POU4F2: variants seen among roughly 807,000 people sequenced by gnomAD.
POU4F2 encodes POU domain, class 4, transcription factor 2.
Under a neutral mutation model 21.5 loss-of-function variants are expected in POU4F2, and 10 were observed. The ratio of observed to expected loss-of-function variants is 0.46; its 90% CI spans 0.29 to 0.79. The LOEUF (loss-of-function observed/expected upper bound fraction) is 0.79, where lower values mean the gene tolerates loss of function less well. Among genes scored for constraint, POU4F2 ranks in the 30% least tolerant of loss-of-function variants. POU4F2 has a pLI of 0.10. For synonymous variants in POU4F2, 324 were observed against 271.1 expected, an observed-to-expected ratio of 1.20 and a Z score of -1.92; for missense variants, 623 against 603.3, an observed-to-expected ratio of 1.03 and a Z score of -0.34.
In POU4F2 at chr4:146,639,822, A is replaced by G. The variant is rs776726608; in HGVS notation, c.289-45A>G. On this transcript the variant is annotated intron_variant, in intron 1 of 1. Transcript: ENST00000281321. The stretch of plus-strand genomic sequence containing the variant: ...CGGGGCTTCCGGAGAGAGGGCGTAC[A>G]ATTCCCTGCTGAGCGTAATGTGTGC... 76 of 1,499,012 alleles carry G rather than the reference A, an allele frequency of 5.1e-5. No homozygotes were observed. In the Admixed American group the frequency reaches 5.9e-4, roughly 12 times the overall value. The allele number at this position is 1,499,012 out of a possible 1,614,324, so 92.9% of individuals were successfully genotyped here.
rs1474871091 is a variant in POU4F2, at chr4:146,639,207, G to A, written c.67G>A (p.Glu23Lys). 6.2e-7 allele frequency: 1 copy of A among 1,606,918 alleles called. No homozygotes were observed. Among genetic ancestry groups the A allele is most frequent in the Non-Finnish European group, 8.5e-7 (1 of 1,177,446 alleles). The change falls in exon 1 of 2, where the codon GAG (glutamate) becomes AAG (lysine). Residue 23 changes from glutamate to lysine, a missense_variant. Around this residue, in one of 3 missense-constraint regions of POU4F2, gnomAD observed 94 missense variants for 74.1 expected, o/e 1.27. Transcript: ENST00000281321. ...GCCGCACGGCGGCAGCCTGCACGTG[G>A]AGCCCAAGTACTCGGCACTGCACAG... ...SMPHGGSLHV[E>K]PKYSALHSTS...
chr4:146,640,088 G>GCACCAC lies in POU4F2; in HGVS notation c.522_527dup (p.His181_His182dup). 1.2e-6 allele frequency: 2 copies of GCACCAC among 1,603,728 alleles called. No individual in the cohort carries two copies. The highest frequency in any genetic ancestry group is 1.7e-6 in the Non-Finnish European group (2 of 1,179,496). On this transcript the variant is annotated inframe_insertion, in exon 2 of 2. Coordinates refer to ENST00000281321, the MANE Select transcript of POU4F2 (RefSeq NM_004575.3). The surrounding 1 kb of genome is among the most constrained non-coding windows in gnomAD (Gnocchi z 4.8). ...CGCACCCTTCCGCGTTGGCGGGCAC[G>GCACCAC]CACCACCACCACCACCATCACCACC...
Position 146,641,431 on chromosome 4 carries a change from T to C in POU4F2, c.*623T>C, listed in dbSNP as rs1027376355. 3 of 152,670 alleles carry C rather than the reference T, an allele frequency of 2.0e-5. No individual in the cohort carries two copies. Among genetic ancestry groups the C allele is most frequent in the African/African-American group, 7.2e-5 (3 of 41,462 alleles). The allele number at this position is 152,670 out of a possible 1,614,324, so 9.5% of individuals were successfully genotyped here. A position where few individuals can be genotyped will look rare whatever the true frequency, so the allele number is the denominator to read the frequency against. ...TAAGAAAAGAGTTGCGCCTGCTGTG[T>C]TCACTGATCTTGAAAGCTATTATTA... On this transcript the variant is annotated 3_prime_UTR_variant, in exon 2 of 2. Transcript: ENST00000281321.
In POU4F2 at chr4:146,640,843, T is replaced by C; in HGVS notation, c.*35T>C. 1.3e-6 allele frequency: 2 copies of C among 1,529,052 alleles called. No individual in the cohort carries two copies. The highest frequency in any genetic ancestry group is 1.8e-6 in the Non-Finnish European group (2 of 1,139,708). 94.7% of individuals were successfully genotyped at this position (1,529,052 alleles called of 1,614,324 possible). A position where few individuals can be genotyped will look rare whatever the true frequency, so the allele number is the denominator to read the frequency against. ...GGCCTCTCCAGAGACGCCCCTTTCCTCGTCCGCTCTTTTCTCTCCTCTCTT... is the reference window on the plus strand; with the variant it reads ...GGCCTCTCCAGAGACGCCCCTTTCCCCGTCCGCTCTTTTCTCTCCTCTCTT... On this transcript the variant is annotated 3_prime_UTR_variant, in exon 2 of 2. Coordinates refer to ENST00000281321, the MANE Select transcript of POU4F2 (RefSeq NM_004575.3). The surrounding 1 kb of genome is among the most constrained non-coding windows in gnomAD (Gnocchi z 4.8).
chr4:146,639,557 T>G, intron 1 of POU4F2, 129 bp downstream of exon 1: 1 of 1,334,520 alleles, frequency 7.5e-7, no homozygotes, highest in East Asian at 2.7e-5. Flanking sequence ...TCTCTCTCTC[T>G]TAAGTATTCA....
chr4:146,640,349 C>T lies in POU4F2; in HGVS notation c.771C>T (p.Asp257=), dbSNP rs2149968676. Residue 257 remains aspartate, a synonymous_variant, in exon 2 of 2, where the codon GAC becomes GAT. Coordinates refer to ENST00000281321, the MANE Select transcript of POU4F2 (RefSeq NM_004575.3). The surrounding 1 kb of genome is among the most constrained non-coding windows in gnomAD (Gnocchi z 4.8). ...CMSDVDADPR[D]LEAFAERFKQ... is the part of the protein sequence containing the mutation. ...GCGACGTGGACGCCGACCCGCGGGA[C>T]CTGGAGGCATTCGCCGAGCGCTTCA... 1.9e-6 allele frequency: 3 copies of T among 1,591,880 alleles called. No homozygotes were observed. The highest frequency in any genetic ancestry group is 2.6e-6 in the Non-Finnish European group (3 of 1,172,316).
Position 146,639,937 on chromosome 4 carries a change from T to C in POU4F2, c.359T>C (p.Val120Ala), listed in dbSNP as rs1414893575. ...GAGGCTCTGGCAGCCGTGGACATCG[T>C]CTCCCAGAGCAAGAGCCACCACCAC... ...RAEALAAVDI[V>A]SQSKSHHHHP... Residue 120 changes from valine to alanine, a missense_variant, in exon 2 of 2, where the codon GTC becomes GCC. Coordinates refer to ENST00000281321, the MANE Select transcript of POU4F2 (RefSeq NM_004575.3). The C allele has an allele frequency of 6.2e-7, 1 of 1,600,602 alleles. No individual in the cohort carries two copies. Among genetic ancestry groups the C allele is most frequent in the South Asian group, 1.1e-5 (1 of 88,460 alleles).
rs978886303 is a variant in POU4F2 at position 146,639,226 on chromosome 4, T to A, written c.86T>A (p.Leu29Gln). ...CACGTGGAGCCCAAGTACTCGGCAC[T>A]GCACAGCACCTCGCCGGGCTCCTCG... ...SLHVEPKYSA[L>Q]HSTSPGSSAP... The change falls in exon 1 of 2, where the codon CTG becomes CAG. Residue 29 changes from leucine (L) to glutamine (Q), a missense_variant. By Grantham distance (113) the Leu-to-Gln change is moderately radical. This residue lies in a region of POU4F2 where 94 missense variants were observed against 74.1 expected (regional missense o/e 1.27). Coordinates refer to ENST00000281321, the MANE Select transcript of POU4F2 (RefSeq NM_004575.3). 1 of 1,597,418 alleles carries A rather than the reference T, an allele frequency of 6.3e-7. No individual in the cohort carries two copies. The highest frequency in any genetic ancestry group is 8.5e-7 in the Non-Finnish European group (1 of 1,173,626).
chr4:146,639,765 T>C lies in POU4F2; in HGVS notation c.289-102T>C, dbSNP rs940996807. 4.3e-6 allele frequency: 5 copies of C among 1,163,226 alleles called. No homozygotes were observed. The Admixed American group carries it at 7.8e-5, about 18-fold the overall frequency. The allele number at this position is 1,163,226 out of a possible 1,614,324, so 72.1% of individuals were successfully genotyped here. On this transcript the variant is annotated intron_variant, in intron 1 of 1. Transcript: ENST00000281321. ...TATTATTTTAACGATCTGGGAATGT[T>C]GTAGGCGCGGCGACGGTGTCGAGCC...
Position 146,640,834 on chromosome 4 carries a change from C to A in POU4F2, c.*26C>A, listed in dbSNP as rs755144946. On this transcript the variant is annotated 3_prime_UTR_variant, in exon 2 of 2. Transcript: ENST00000281321. The surrounding 1 kb of genome is among the most constrained non-coding windows in gnomAD (Gnocchi z 4.8). Reference sequence around the variant, plus strand: ...AAGACTCTTGGCCTCTCCAGAGACGCCCCTTTCCTCGTCCGCTCTTTTCTC... The same window carrying A: ...AAGACTCTTGGCCTCTCCAGAGACGACCCTTTCCTCGTCCGCTCTTTTCTC... 7 of 1,540,952 alleles carry A rather than the reference C, an allele frequency of 4.5e-6. No homozygotes were observed. In the African/African-American group the frequency reaches 8.3e-5, roughly 18 times the overall value.
chr4:146,640,463 C>T lies in POU4F2; in HGVS notation c.885C>T (p.Ser295=), dbSNP rs754628247. The change falls in exon 2 of 2, where the codon AGC becomes AGT. Residue 295 remains serine, a synonymous_variant. Coordinates refer to ENST00000281321, the MANE Select transcript of POU4F2 (RefSeq NM_004575.3). This position sits in a 1 kb window ranked among gnomAD's most constrained non-coding sequence, Gnocchi z 4.8. ...NLKIPGVGSL[S]QSTICRFESL... is the part of the protein sequence containing the mutation. ...AGATCCCCGGCGTGGGCTCGCTTAG[C>T]CAGAGCACCATCTGCAGGTTCGAGT... is the stretch of plus-strand genomic sequence containing the variant. 1.9e-6 allele frequency: 3 copies of T among 1,613,948 alleles called. No homozygotes were observed. Among genetic ancestry groups the T allele is most frequent in the East Asian group, 2.2e-5 (1 of 44,884 alleles).
rs1740876050 is a variant in POU4F2 at position 146,640,933 on chromosome 4, G to T, written c.*125G>T. On this transcript the variant is annotated 3_prime_UTR_variant, in exon 2 of 2. Transcript: ENST00000281321. This position sits in a 1 kb window ranked among gnomAD's most constrained non-coding sequence, Gnocchi z 4.8. Reference sequence around the variant, plus strand: ...TAAATGTGAATCTCGACAAATCGAGGACTGAAGAGGGAGCGAACGAGCGAA... The same window carrying T: ...TAAATGTGAATCTCGACAAATCGAGTACTGAAGAGGGAGCGAACGAGCGAA... The T allele has an allele frequency of 9.3e-7, 1 of 1,072,072 alleles. No individual in the cohort carries two copies. Among genetic ancestry groups the T allele is most frequent in the Non-Finnish European group, 1.3e-6 (1 of 774,300 alleles). 66.4% of individuals were successfully genotyped at this position (1,072,072 alleles called of 1,614,324 possible).
rs1471736272 is a variant in POU4F2 at position 146,641,316 on chromosome 4, A to G, written c.*508A>G. The G allele has an allele frequency of 1.3e-5, 2 of 152,830 alleles. No individual in the cohort carries two copies. Among genetic ancestry groups the G allele is most frequent in the African/African-American group, 4.8e-5 (2 of 41,462 alleles). The allele number at this position is 152,830 out of a possible 1,614,324, so 9.5% of individuals were successfully genotyped here. A position where few individuals can be genotyped will look rare whatever the true frequency, so the allele number is the denominator to read the frequency against. ...AAAGTATTTTGAATTTTAAAAAAAG[A>G]TGGCAGATTTTCTGCATTTACACTG... On this transcript the variant is annotated 3_prime_UTR_variant, in exon 2 of 2. Coordinates refer to ENST00000281321, the MANE Select transcript of POU4F2 (RefSeq NM_004575.3).
In POU4F2 at chr4:146,639,109, C is replaced by A; in HGVS notation, c.-32C>A. On this transcript the variant is annotated 5_prime_UTR_variant, in exon 1 of 2. Coordinates refer to ENST00000281321, the MANE Select transcript of POU4F2 (RefSeq NM_004575.3). ...CCCGGCAGCCGGGACCAGTGAGTGC[C>A]TCTACGGACCAGCGCCCCGGCGGGC... 1 of 1,597,444 alleles carries A rather than the reference C, an allele frequency of 6.3e-7. No individual in the cohort carries two copies. The highest frequency in any genetic ancestry group is 8.5e-7 in the Non-Finnish European group (1 of 1,173,538).
intron 1 of POU4F2, 116 bp downstream of exon 1, chr4:146,639,544 C>G (rs943913443): frequency 1.2e-5 from 16 of 1,356,638 alleles, no homozygotes; most frequent in African/African-American, 3.1e-5. Flanking sequence ...ACCAATTTTC[C>G]CCTCTCTCTC....
chr4:146,642,077 TG>T lies in POU4F2; in HGVS notation c.*1270del, dbSNP rs559593444. The T allele has an allele frequency of 3.3e-5, 5 of 152,672 alleles. No homozygotes were observed. The highest frequency in any genetic ancestry group is 4.8e-5 in the African/African-American group (2 of 41,460). 9.5% of individuals were successfully genotyped at this position (152,672 alleles called of 1,614,324 possible). A position where few individuals can be genotyped will look rare whatever the true frequency, so the allele number is the denominator to read the frequency against. The stretch of plus-strand genomic sequence containing the variant: ...ACTTCAGTTTTTCCTTTTGGAGGTT[TG>T]TTTGTAGAAAAACTAATTTGAACTA... On this transcript the variant is annotated 3_prime_UTR_variant, in exon 2 of 2. Transcript: ENST00000281321.
chr4:146,640,165 T>C lies in POU4F2; in HGVS notation c.587T>C (p.Leu196Pro). The change falls in exon 2 of 2, where the codon CTG becomes CCG. Residue 196 changes from leucine to proline, a missense_variant. Around this residue, in one of 3 missense-constraint regions of POU4F2, gnomAD observed 523 missense variants for 504.1 expected, o/e 1.04. Coordinates refer to ENST00000281321, the MANE Select transcript of POU4F2 (RefSeq NM_004575.3). The surrounding 1 kb of genome is among the most constrained non-coding windows in gnomAD (Gnocchi z 4.8). The stretch of plus-strand genomic sequence containing the variant: ...CTGGAGGGCGAGCTGCTGGAGCACC[T>C]GAGTCCCGGGCTGGCCCTGGGCGCT... ...QALEGELLEH[L>P]SPGLALGAMA... is the part of the protein sequence containing the mutation. The C allele has an allele frequency of 6.3e-7, 1 of 1,592,212 alleles. No individual in the cohort carries two copies. Among genetic ancestry groups the C allele is most frequent in the Non-Finnish European group, 8.5e-7 (1 of 1,175,688 alleles).
At chr4:146,639,837 G>A in intron 1 of POU4F2, 30 bp from the exon 2 acceptor site, 2 of 1,514,158 alleles carry the variant, frequency 1.3e-6, no homozygotes, top group Non-Finnish European at 8.8e-7. Flanking sequence ...CCTGCTGAGC[G>A]TAATGTGTGC....
At position 146,639,020 on chromosome 4, in the gene POU4F2, G is replaced by GCCGAAGCAGCAGCTCCAGC; in HGVS notation, c.-121_-120insCCGAAGCAGCAGCTCCAGC. 1 of 1,314,106 alleles carries GCCGAAGCAGCAGCTCCAGC rather than the reference G, an allele frequency of 7.6e-7. No individual in the cohort carries two copies. Among genetic ancestry groups the GCCGAAGCAGCAGCTCCAGC allele is most frequent in the Non-Finnish European group, 1.0e-6 (1 of 976,850 alleles). The allele number at this position is 1,314,106 out of a possible 1,614,324, so 81.4% of individuals were successfully genotyped here. A position where few individuals can be genotyped will look rare whatever the true frequency, so the allele number is the denominator to read the frequency against. ...ACAGAGTCCGGAGGCGGCGGCGGGTGAGCTCAACTTCGCACAGCCCTTCCC... is the reference window on the plus strand; with the variant it reads ...ACAGAGTCCGGAGGCGGCGGCGGGTGCCGAAGCAGCAGCTCCAGCAGCTCAACTTCGCACAGCCCTTCCC... On this transcript the variant is annotated 5_prime_UTR_variant, in exon 1 of 2. Coordinates refer to ENST00000281321, the MANE Select transcript of POU4F2 (RefSeq NM_004575.3).
Sources: allele counts gnomAD v4.1 joint callset, GRCh38; gene constraint gnomAD v4.1.1; regional missense constraint gnomAD v4.1.1; non-coding constraint Gnocchi (gnomAD v3.1); transcripts MANE v1.5; gene names NCBI Gene and HGNC (gene_info 2026-07-23, HGNC 2026-07-21).